MTMR6: variants seen among roughly 807,000 people sequenced by gnomAD.
MTMR6 encodes the protein phosphatidylinositol-3,5-bisphosphate 3-phosphatase MTMR6.
A neutral mutation model predicts 80.1 loss-of-function variants in MTMR6; 47 were observed. The ratio of observed to expected loss-of-function variants is 0.59; its 90% confidence interval spans 0.46 to 0.75. The LOEUF is 0.75. Among genes scored for constraint, MTMR6 ranks in the 30% least tolerant of loss-of-function variants. MTMR6 has a pLI of 0.00. For missense variants in MTMR6, 629 were observed against 730.9 expected, an observed-to-expected ratio of 0.86 and a Z score of 1.61; for synonymous variants, 254 against 253.0, an observed-to-expected ratio of 1.00 and a Z score of -0.04.
intron 2 of MTMR6, among the ~76,000 whole-genome samples, chr13:25,272,083 A>G (rs973959608): frequency 2.0e-5 from 3 of 152,272 alleles, no homozygotes; most frequent in Non-Finnish European, 4.4e-5. Flanking sequence ...GGAATGAAAC[A>G]GTCAATAAAT....
chr13:25,280,359 CA>C (rs1180704157), intron 1 of MTMR6, among the ~76,000 whole-genome samples: 2 of 152,128 alleles, frequency 1.3e-5, no homozygotes, highest in African/African-American at 4.8e-5. Context: ...AATCATTCCA[CA>C]ACATTTATTT....
intron 1 of MTMR6, among the ~76,000 whole-genome samples, chr13:25,284,099 A>T (rs758884474): frequency 3.9e-5 from 6 of 152,208 alleles, no homozygotes; most frequent in Non-Finnish European, 5.9e-5. Flanking sequence ...AATATTATTT[A>T]AAAACAATAC....
chr13:25,285,592 T>C lies in MTMR6; in HGVS notation c.24+1632A>G, dbSNP rs1228881044. On this transcript the variant is annotated intron_variant, in intron 1 of 13. Transcript: ENST00000381801. ...CTCTATTGCCCAGGCTGGAGTGCACTGGTGCCATCTTGGCTCACTGCAATC... is the reference window on the plus strand; with the variant it reads ...CTCTATTGCCCAGGCTGGAGTGCACCGGTGCCATCTTGGCTCACTGCAATC... Among the ~76,000 whole-genome samples, 4 of 151,936 alleles carry C rather than the reference T, an allele frequency of 2.6e-5. No individual in the cohort carries two copies. The East Asian group carries it at 7.8e-4, about 30-fold the overall frequency.
intron 6 of MTMR6, among the ~76,000 whole-genome samples, chr13:25,261,391 AAGAC>A (rs1957337905): frequency 6.6e-6 from 1 of 151,524 alleles, no homozygotes; most frequent in East Asian, 1.9e-4. Flanking sequence ...ACAATAACAT[AAGAC>A]TTATATACTA....
At position 25,248,432 on chromosome 13, in the gene MTMR6, C is replaced by T. The variant is rs1367207629; in HGVS notation, c.*800G>A. The T allele has an allele frequency of 6.6e-6, 1 of 152,100 alleles. No individual in the cohort carries two copies. The highest frequency in any genetic ancestry group is 1.5e-5 in the Non-Finnish European group (1 of 67,980). The allele number at this position is 152,100 out of a possible 1,614,324, so 9.4% of individuals were successfully genotyped here. On this transcript the variant is annotated 3_prime_UTR_variant, in exon 14 of 14. Coordinates refer to ENST00000381801, the MANE Select transcript of MTMR6 (RefSeq NM_004685.5). ...CAGTAATCCATATATAAAAGACAGT[C>T]AAATGTGCTTATACGTATTCAAGAA...
chr13:25,266,097 T>G (rs1957448152), intron 4 of MTMR6, 32 bp downstream of exon 4: 1 of 1,610,374 alleles, frequency 6.2e-7, no homozygotes, highest in Admixed American at 1.7e-5. Flanking sequence ...TACTAACACT[T>G]TCTGAATTTC....
At chr13:25,286,662 A>G (rs899387246) in intron 1 of MTMR6, among the ~76,000 whole-genome samples, 3 of 152,222 alleles carry the variant, frequency 2.0e-5, no homozygotes, top group African/African-American at 7.2e-5. Flanking sequence ...TTGACTACTG[A>G]CACAGGACAA....
intron 1 of MTMR6, among the ~76,000 whole-genome samples, chr13:25,278,855 A>C (rs2137622707): frequency 6.6e-6 from 1 of 152,250 alleles, no homozygotes; most frequent in South Asian, 2.1e-4. Context: ...ATTGCACTCC[A>C]GCTTGAGTGA....
intron 9 of MTMR6, among the ~76,000 whole-genome samples, chr13:25,256,693 T>G (rs1469053294): frequency 1.3e-5 from 2 of 152,186 alleles, no homozygotes; most frequent in South Asian, 4.1e-4. Context: ...CAACTAGAAA[T>G]TTTATCTTCA....
chr13:25,255,847 TG>T (rs34666400), intron 9 of MTMR6, among the ~76,000 whole-genome samples: 19 of 152,290 alleles, frequency 1.2e-4, no homozygotes, highest in African/African-American at 4.1e-4. Flanking sequence ...TAAACATCCC[TG>T]GAACCCATCA....
chr13:25,264,243 A>G (rs1458389282), intron 5 of MTMR6, among the ~76,000 whole-genome samples: 1 of 141,846 alleles, frequency 7.0e-6, no homozygotes, highest in African/African-American at 2.6e-5. Flanking sequence ...GATGAGGTTG[A>G]GGAAATCTTC....
In MTMR6 at chr13:25,251,700, A is replaced by T. The variant is rs1957092334; in HGVS notation, c.1554T>A (p.Asn518Lys). 1 of 1,564,404 alleles carries T rather than the reference A, an allele frequency of 6.4e-7. No individual in the cohort carries two copies. The highest frequency in any genetic ancestry group is 1.4e-5 in the African/African-American group (1 of 73,478). Reference protein sequence around the residue: ...PRQSVFNIIMNMNEQNKQLEK... With the variant: ...PRQSVFNIIMKMNEQNKQLEK... ...CTAATTGTTTATTTTGCTCATTCAT[A>T]TTCATAATTATATTAAATACAGACT... The change falls in exon 13 of 14, where the codon AAT becomes AAA. Residue 518 changes from asparagine (N) to lysine (K), a missense_variant. By Grantham distance (94) the Asn-to-Lys change is moderately conservative. Coordinates refer to ENST00000381801, the MANE Select transcript of MTMR6 (RefSeq NM_004685.5). This position sits in a 1 kb window ranked among gnomAD's most constrained non-coding sequence, Gnocchi z 4.1.
rs547990689 is a variant in MTMR6, at chr13:25,249,799, A to G, written c.1606-307T>C. On this transcript the variant is annotated intron_variant, in intron 13 of 13. Coordinates refer to ENST00000381801, the MANE Select transcript of MTMR6 (RefSeq NM_004685.5). ...ATATTACCTAGAAAGCATAACAGGT[A>G]AACATTTATAATAAAAGAAATGTGT... Among the ~76,000 whole-genome samples the G allele has an allele frequency of 5.9e-5, 9 of 152,260 alleles. No individual in the cohort carries two copies. The South Asian group carries it at 1.9e-3, about 32-fold the overall frequency.
rs1366922134 is a variant in MTMR6, at chr13:25,251,449, C to T, written c.1605+200G>A. On this transcript the variant is annotated intron_variant, in intron 13 of 13. Transcript: ENST00000381801. The surrounding 1 kb of genome is among the most constrained non-coding windows in gnomAD (Gnocchi z 4.1). ...GTTTATCTATACGTTATGCTATATA[C>T]TTCCGGTATTTTAATGTATTTTAAA... Among the ~76,000 whole-genome samples the T allele has an allele frequency of 6.6e-6, 1 of 152,182 alleles. No individual in the cohort carries two copies. The highest frequency in any genetic ancestry group is 1.5e-5 in the Non-Finnish European group (1 of 68,038).
At position 25,251,713 on chromosome 13, in the gene MTMR6, T is replaced by A. The variant is rs1432941602; in HGVS notation, c.1541A>T (p.Asn514Ile). 6.3e-7 allele frequency: 1 copy of A among 1,580,408 alleles called. No homozygotes were observed. The highest frequency in any genetic ancestry group is 1.4e-5 in the African/African-American group (1 of 74,048). The change falls in exon 13 of 14, where the codon AAT becomes ATT. Residue 514 changes from asparagine (N) to isoleucine (I), a missense_variant. Physicochemically the swap from Asn to Ile is moderately radical, Grantham distance 149. Coordinates refer to ENST00000381801, the MANE Select transcript of MTMR6 (RefSeq NM_004685.5). The surrounding 1 kb of genome is among the most constrained non-coding windows in gnomAD (Gnocchi z 4.1). ...TTGCTCATTCATATTCATAATTATATTAAATACAGACTGCCTAGGATGCAG... is the reference window on the plus strand; with the variant it reads ...TTGCTCATTCATATTCATAATTATAATAAATACAGACTGCCTAGGATGCAG... ...RTLHPRQSVF[N>I]IIMNMNEQNK...
chr13:25,272,222 T>G (rs1466224087), intron 2 of MTMR6, among the ~76,000 whole-genome samples: 1 of 152,164 alleles, frequency 6.6e-6, no homozygotes, highest in Admixed American at 6.5e-5. Flanking sequence ...TAGAAGAACC[T>G]TTATGACTTT....
chr13:25,270,806 G>A (rs1212769441), intron 2 of MTMR6, among the ~76,000 whole-genome samples: 1 of 152,190 alleles, frequency 6.6e-6, no homozygotes, highest in Non-Finnish European at 1.5e-5. Context: ...AAGAGAGAAA[G>A]AGAAGAGAAC....
At chr13:25,271,594 C>T (rs1372836628) in intron 2 of MTMR6, among the ~76,000 whole-genome samples, 1 of 152,212 alleles carries the variant, frequency 6.6e-6, no homozygotes, top group Non-Finnish European at 1.5e-5. Flanking sequence ...CTCTTCCTCT[C>T]AGGCACAGAG....
chr13:25,277,640 T>C (rs954417169), intron 1 of MTMR6, among the ~76,000 whole-genome samples: 5 of 152,238 alleles, frequency 3.3e-5, no homozygotes, highest in Non-Finnish European at 7.3e-5. Context: ...TAGGTATTCA[T>C]TCAGTAATTC....
Sources: allele counts gnomAD v4.1 joint callset (sites outside exome capture counted in the v4.1 genomes callset), GRCh38; gene constraint gnomAD v4.1.1; non-coding constraint Gnocchi (gnomAD v3.1); transcripts MANE v1.5; gene names NCBI Gene and HGNC (gene_info 2026-07-23, HGNC 2026-07-21).